Variants in CFAP251 observed in about 807,000 individuals in gnomAD.
CFAP251 encodes cilia and flagella associated protein 251, also known as cilia- and flagella-associated protein 251.
CFAP251 carries 93 observed loss-of-function variants against 126.7 expected under a neutral mutation model. The ratio of observed to expected loss-of-function variants is 0.73; its 90% confidence interval spans 0.62 to 0.87. The LOEUF is 0.87. Ranked by LOEUF, CFAP251 falls within the 40% of genes least tolerant of loss-of-function variation. The pLI is 0.00. For synonymous variants in CFAP251, 503 were observed against 506.9 expected (o/e 0.99, Z 0.10); for missense variants, 1,287 against 1,389.2 (o/e 0.93, Z 1.17).
chr12:121,989,484 T>C lies in CFAP251; in HGVS notation c.3007-10232T>C, dbSNP rs1020541494. Among the ~76,000 whole-genome samples the C allele has an allele frequency of 2.0e-5, 3 of 152,120 alleles. No homozygotes were observed. Among genetic ancestry groups the C allele is most frequent in the African/African-American group, 7.2e-5 (3 of 41,428 alleles). ...AGGTATGGAGCAGTTGGGGTCACAGTGTTGCATGAATCGCAGAGGGGGCGC... is the reference window on the plus strand; with the variant it reads ...AGGTATGGAGCAGTTGGGGTCACAGCGTTGCATGAATCGCAGAGGGGGCGC... On this transcript the variant is annotated intron_variant, in intron 19 of 21. Coordinates refer to ENST00000288912, the MANE Select transcript of CFAP251 (RefSeq NM_144668.6). The surrounding 1 kb of genome is among the most constrained non-coding windows in gnomAD (Gnocchi z 4.2).
At chr12:121,920,771 A>G (rs531774765) in intron 1 of CFAP251, among the ~76,000 whole-genome samples, 1 of 152,138 alleles carries the variant, frequency 6.6e-6, no homozygotes, top group Admixed American at 6.6e-5. Flanking sequence ...ACCTCAACTG[A>G]TCCTCCCGCC....
At chr12:121,920,189 G>GAA (rs1166354917) in intron 1 of CFAP251, among the ~76,000 whole-genome samples, 1 of 62,634 alleles carries the variant, frequency 1.6e-5, no homozygotes, top group Non-Finnish European at 3.4e-5. Context: ...TGTCTCAAGA[G>GAA]AAAAAAAAAA....
chr12:121,958,506 G>C lies in CFAP251; in HGVS notation c.1965G>C (p.Leu655=). 6.2e-7 allele frequency: 1 copy of C among 1,614,186 alleles called. No homozygotes were observed. Among genetic ancestry groups the C allele is most frequent in the Non-Finnish European group, 8.5e-7 (1 of 1,180,032 alleles). The change falls in exon 12 of 22, where the codon CTG becomes CTC. Residue 655 remains leucine (L), a synonymous_variant. Transcript: ENST00000288912. The part of the protein sequence containing the change: ...VFEKGLGVQS[L]TYNPEGALLG... ...AGAAGGGGCTTGGAGTCCAGAGTCT[G>C]ACCTACAACCCCGAAGGTATTTTCA...
At chr12:121,975,127 C>G (rs1882423622) in intron 17 of CFAP251, 117 bp from the exon 18 acceptor site, 1 of 762,380 alleles carries the variant, frequency 1.3e-6, no homozygotes, top group Non-Finnish European at 2.2e-6. Context: ...TGTAGAGACC[C>G]TAACTGTATC....
intron 8 of CFAP251, 109 bp from the exon 9 acceptor site, chr12:121,951,371 C>A: frequency 1.5e-6 from 1 of 670,672 alleles, no homozygotes; most frequent in Non-Finnish European, 2.4e-6. Context: ...GTAGAAACTG[C>A]AAATTTCTGA....
At chr12:121,925,558 C>T (rs914658362) in intron 3 of CFAP251, among the ~76,000 whole-genome samples, 4 of 152,184 alleles carry the variant, frequency 2.6e-5, no homozygotes, top group African/African-American at 4.8e-5. Context: ...ATTTGAGCCC[C>T]GTGTGACAGC....
Position 121,928,807 on chromosome 12 carries a change from C to CTGCT in CFAP251, c.748-2937_748-2934dup, listed in dbSNP as rs1373635849. On this transcript the variant is annotated intron_variant, in intron 3 of 21. Transcript: ENST00000288912. The stretch of plus-strand genomic sequence containing the variant: ...CACCTCCTAGGCTCAGTCAATCCTC[C>CTGCT]TGCTTCAGCCTCCTGAGTAGATGGG... Among the ~76,000 whole-genome samples, 10 of 151,508 alleles carry CTGCT rather than the reference C, an allele frequency of 6.6e-5. 1 individual carries two copies. In the South Asian group the frequency reaches 1.9e-3, roughly 28 times the overall value.
intron 19 of CFAP251, among the ~76,000 whole-genome samples, chr12:121,994,160 G>A (rs1882966890): frequency 1.2e-5 from 1 of 86,168 alleles, no homozygotes. Flanking sequence ...GGTGGGGGGG[G>A]TCAGCCCCCC....
Position 121,921,269 on chromosome 12 carries a change from G to C in CFAP251, c.-20-17G>C, listed in dbSNP as rs892556958. On this transcript the variant is annotated splice_polypyrimidine_tract_variant and intron_variant, in intron 1 of 21. Coordinates refer to ENST00000288912, the MANE Select transcript of CFAP251 (RefSeq NM_144668.6). ...AAGCTGAGGGCCAGCTGGTTATTAT[G>C]GTCAAAATCTCTCTAGAGGAAACTC... The C allele has an allele frequency of 3.3e-6, 5 of 1,536,686 alleles. No individual in the cohort carries two copies. The highest frequency in any genetic ancestry group is 4.4e-6 in the Non-Finnish European group (5 of 1,149,276).
chr12:121,940,957 G>T (rs913558997), intron 5 of CFAP251, among the ~76,000 whole-genome samples: 2 of 151,916 alleles, frequency 1.3e-5, no homozygotes, highest in African/African-American at 4.8e-5. Context: ...CACAAATTTT[G>T]GTCACTTTCC....
In CFAP251 at chr12:121,984,925, C is replaced by T. The variant is rs118047973; in HGVS notation, c.3006+9240C>T. 1.9e-4 allele frequency among the ~76,000 whole-genome samples: 29 copies of T among 152,286 alleles called. No individual in the cohort carries two copies. The East Asian group carries it at 3.9e-3, about 20-fold the overall frequency. On this transcript the variant is annotated intron_variant, in intron 19 of 21. Transcript: ENST00000288912. ...AAACTTAAGTCTAATCCTGTAGAGA[C>T]GTATGTGCCCAGCAAGTGCCCACAT...
chr12:121,936,051 C>T (rs1045470447), intron 5 of CFAP251, among the ~76,000 whole-genome samples: 1 of 152,238 alleles, frequency 6.6e-6, no homozygotes, highest in Non-Finnish European at 1.5e-5. Flanking sequence ...CTGAGCTCAT[C>T]TGTCAGCTGG....
At chr12:121,949,210 T>G (rs1389515778) in intron 8 of CFAP251, 149 bp downstream of exon 8, 3 of 403,352 alleles carry the variant, frequency 7.4e-6, no homozygotes, top group Non-Finnish European at 1.3e-5. Flanking sequence ...AACTGTAGTA[T>G]TTAGTCCTAT....
In CFAP251 at chr12:121,918,854, G is replaced by T. The variant is rs1286050174; in HGVS notation, c.-21+159G>T. ...GAGACCTGAGTTGGAGGCAGAGGCC[G>T]CACCTGGGCTTTAATCCCCTCGCAG... is the stretch of plus-strand genomic sequence containing the variant. On this transcript the variant is annotated intron_variant, in intron 1 of 21. Coordinates refer to ENST00000288912, the MANE Select transcript of CFAP251 (RefSeq NM_144668.6). This position sits in a 1 kb window ranked among gnomAD's most constrained non-coding sequence, Gnocchi z 4.3. 1 of 152,342 alleles carries T rather than the reference G, an allele frequency of 6.6e-6. No individual in the cohort carries two copies. The highest frequency in any genetic ancestry group is 1.5e-5 in the Non-Finnish European group (1 of 68,198). The allele number at this position is 152,342 out of a possible 1,614,324, so 9.4% of individuals were successfully genotyped here.
chr12:122,003,416 T>A lies in CFAP251; in HGVS notation c.3338-236T>A, dbSNP rs1883189833. ...GCGAGACCCCATCTCTACAAAAAAA[T>A]TTTAAAATAAGCTGGGCGTGGTGGC... On this transcript the variant is annotated intron_variant, in intron 21 of 21. Coordinates refer to ENST00000288912, the MANE Select transcript of CFAP251 (RefSeq NM_144668.6). 2.0e-5 allele frequency among the ~76,000 whole-genome samples: 3 copies of A among 151,620 alleles called. No homozygotes were observed. The South Asian group carries it at 6.3e-4, about 32-fold the overall frequency.
Position 121,957,079 on chromosome 12 carries a change from T to C in CFAP251, c.1541T>C (p.Ile514Thr). The change falls in exon 11 of 22, where the codon ATT becomes ACT. Residue 514 changes from isoleucine (I) to threonine (T), a missense_variant. Ile to Thr is a moderately conservative substitution (Grantham distance 89). Transcript: ENST00000288912. Reference protein sequence around the residue: ...ITVLTTIDSYIVTGDIKGNIK... With the variant: ...ITVLTTIDSYTVTGDIKGNIK... ...GATGTTATTCTCCATTTCAGCTACATTGTCACAGGTGACATTAAGGGGAAC... is the reference window on the plus strand; with the variant it reads ...GATGTTATTCTCCATTTCAGCTACACTGTCACAGGTGACATTAAGGGGAAC... 1.3e-6 allele frequency: 2 copies of C among 1,583,180 alleles called. No homozygotes were observed. Among genetic ancestry groups the C allele is most frequent in the Non-Finnish European group, 8.6e-7 (1 of 1,165,856 alleles).
At chr12:121,995,997 A>AT (rs1421032763) in intron 19 of CFAP251, among the ~76,000 whole-genome samples, 1 of 152,128 alleles carries the variant, frequency 6.6e-6, no homozygotes, top group African/African-American at 2.4e-5. Context: ...ATTACAAGAG[A>AT]TTTTTATTTT....
At chr12:121,948,656 G>A in intron 7 of CFAP251, 1 of 181,154 alleles carries the variant, frequency 5.5e-6, no homozygotes. Flanking sequence ...GGAGATAGAG[G>A]CTGCAGTGAG....
In CFAP251 at chr12:121,957,068, T is replaced by C; in HGVS notation, c.1536-6T>C. 6.3e-7 allele frequency: 1 copy of C among 1,576,598 alleles called. No individual in the cohort carries two copies. Among genetic ancestry groups the C allele is most frequent in the Non-Finnish European group, 8.6e-7 (1 of 1,162,070 alleles). On this transcript the variant is annotated splice_region_variant and splice_polypyrimidine_tract_variant and intron_variant, in intron 10 of 21. Transcript: ENST00000288912. ...TTTGCAAAACTGATGTTATTCTCCA[T>C]TTCAGCTACATTGTCACAGGTGACA...
Sources: allele counts gnomAD v4.1 joint callset (sites outside exome capture counted in the v4.1 genomes callset), GRCh38; gene constraint gnomAD v4.1.1; non-coding constraint Gnocchi (gnomAD v3.1); transcripts MANE v1.5; gene names NCBI Gene and HGNC (gene_info 2026-07-23, HGNC 2026-07-21).